The following SIPA1L1 variants were observed in gnomAD, a reference collection of about 807,000 sequenced individuals.
SIPA1L1 encodes the protein signal-induced proliferation-associated 1-like protein 1.
In SIPA1L1, 26 loss-of-function variants were observed where a neutral mutation model predicts 162.7. The ratio of observed to expected loss-of-function variants is 0.16; its 90% CI spans 0.12 to 0.22. The LOEUF (loss-of-function observed/expected upper bound fraction) is 0.22. Among genes scored for constraint, SIPA1L1 ranks in the 10% least tolerant of loss-of-function variants. The pLI is 1.00. For missense variants in SIPA1L1, 1,874 were observed against 2,241.0 expected (o/e 0.84, Z 3.31); for synonymous variants, 829 against 837.4 (o/e 0.99, Z 0.17).
At position 71,447,361 on chromosome 14, in the gene SIPA1L1, C is replaced by T. The variant is rs75886181; in HGVS notation, c.-464-65382C>T. 8.3e-3 allele frequency among the ~76,000 whole-genome samples: 1,262 copies of T among 152,206 alleles called. 45 individuals carry two copies. The highest frequency in any genetic ancestry group is 0.061 in the Admixed American group (936 of 15,278). On this transcript the variant is annotated intron_variant, in intron 2 of 23. Coordinates refer to ENST00000381232, the MANE Select transcript of SIPA1L1 (RefSeq NM_001386936.1). ...CTCAGCTGGATTTGCTGTGGGACCC[C>T]TAACAAGCCTATGGTGCTATGGTGT...
chr14:71,399,463 G>A (rs1167186406), intron 2 of SIPA1L1, among the ~76,000 whole-genome samples: 1 of 152,112 alleles, frequency 6.6e-6, no homozygotes, highest in East Asian at 1.9e-4. Flanking sequence ...GGAGTGCAGT[G>A]GTACTATCGT....
chr14:71,684,727 T>G (rs1448819260), intron 12 of SIPA1L1, among the ~76,000 whole-genome samples: 1 of 152,056 alleles, frequency 6.6e-6, no homozygotes, highest in Non-Finnish European at 1.5e-5. Context: ...TTATACACTC[T>G]TTTGGAGCCC....
At chr14:71,459,328 G>A (rs986848418) in intron 2 of SIPA1L1, among the ~76,000 whole-genome samples, 1 of 152,042 alleles carries the variant, frequency 6.6e-6, no homozygotes, top group Non-Finnish European at 1.5e-5. Context: ...GTAACACGAC[G>A]GTATAGTGGT....
chr14:71,683,299 C>A (rs997934266), intron 12 of SIPA1L1, among the ~76,000 whole-genome samples: 2 of 152,132 alleles, frequency 1.3e-5, no homozygotes, highest in African/African-American at 4.8e-5. Flanking sequence ...TAATAAAGTT[C>A]TGTACATGTG....
At chr14:71,334,935 T>G (rs978265822) in intron 2 of SIPA1L1, among the ~76,000 whole-genome samples, 1 of 152,244 alleles carries the variant, frequency 6.6e-6, no homozygotes, top group Non-Finnish European at 1.5e-5. Flanking sequence ...TTAGAGGTAG[T>G]AGTAAATAGT....
intron 2 of SIPA1L1, among the ~76,000 whole-genome samples, chr14:71,458,741 T>G (rs1320120669): frequency 6.6e-6 from 1 of 152,152 alleles, no homozygotes; most frequent in Non-Finnish European, 1.5e-5. Flanking sequence ...TCCCTTGACA[T>G]TGCAGTAACC....
Position 71,724,833 on chromosome 14 carries a change from A to C in SIPA1L1, c.4612A>C (p.Lys1538Gln), listed in dbSNP as rs1395355458. The change falls in exon 19 of 24, where the codon AAG becomes CAG. Residue 1538 changes from lysine to glutamine, a missense_variant and splice_region_variant. Transcript: ENST00000381232. ...AACTCCTGAATCACAGAAGAGTTTT[A>C]AGGTACAAGACAGAGCTCAGGGTAG... Reference protein sequence around the residue: ...SPTPESQKSFKFHALSSPQSP... With the variant: ...SPTPESQKSFQFHALSSPQSP... The C allele has an allele frequency of 6.2e-7, 1 of 1,613,982 alleles. No individual in the cohort carries two copies. Among genetic ancestry groups the C allele is most frequent in the East Asian group, 2.2e-5 (1 of 44,890 alleles).
chr14:71,608,322 TC>T (rs1393230003), intron 5 of SIPA1L1, among the ~76,000 whole-genome samples: 1 of 152,168 alleles, frequency 6.6e-6, no homozygotes, highest in African/African-American at 2.4e-5. Flanking sequence ...GTTAGAGACT[TC>T]CCCCTAAATC....
intron 3 of SIPA1L1, among the ~76,000 whole-genome samples, chr14:71,518,215 C>T (rs926052845): frequency 2.0e-5 from 3 of 150,962 alleles, no homozygotes; most frequent in South Asian, 4.2e-4. Flanking sequence ...GCTTCAGAGG[C>T]GGAGGTTGTA....
intron 4 of SIPA1L1, among the ~76,000 whole-genome samples, chr14:71,583,125 C>T (rs2034155434): frequency 6.6e-6 from 1 of 152,156 alleles, no homozygotes; most frequent in South Asian, 2.1e-4. Flanking sequence ...CATTCTAAGT[C>T]TGTGTTTACA....
chr14:71,477,133 A>G (rs2047934094), intron 2 of SIPA1L1, among the ~76,000 whole-genome samples: 1 of 151,952 alleles, frequency 6.6e-6, no homozygotes, highest in South Asian at 2.1e-4. Flanking sequence ...AATCTCAGCT[A>G]CTCAGTAATC....
intron 2 of SIPA1L1, among the ~76,000 whole-genome samples, chr14:71,488,725 A>G (rs1382195746): frequency 2.0e-5 from 3 of 152,160 alleles, no homozygotes; most frequent in Admixed American, 6.5e-5. Flanking sequence ...GTGAACTTGT[A>G]CTTTGTGAAG....
At chr14:71,348,598 C>CT (rs1331040728) in intron 2 of SIPA1L1, among the ~76,000 whole-genome samples, 8 of 152,152 alleles carry the variant, frequency 5.3e-5, no homozygotes, top group East Asian at 1.9e-4. Context: ...AGATGTATGT[C>CT]TAAGAGTGGA....
At chr14:71,381,351 C>T (rs1225417873) in intron 2 of SIPA1L1, among the ~76,000 whole-genome samples, 10 of 152,090 alleles carry the variant, frequency 6.6e-5, no homozygotes. Flanking sequence ...CATGCCTGGC[C>T]CCAATATGAC....
chr14:71,374,693 A>AG (rs2039213491), intron 2 of SIPA1L1, among the ~76,000 whole-genome samples: 1 of 102,184 alleles, frequency 9.8e-6, no homozygotes, highest in Non-Finnish European at 2.1e-5. Context: ...CCGTTTTGAA[A>AG]GTTTTTTTTT....
At chr14:71,483,095 A>G (rs756095634) in intron 2 of SIPA1L1, among the ~76,000 whole-genome samples, 1 of 152,216 alleles carries the variant, frequency 6.6e-6, no homozygotes, top group African/African-American at 2.4e-5. Context: ...CTTGCAGGCC[A>G]AAGACATTCA....
intron 2 of SIPA1L1, among the ~76,000 whole-genome samples, chr14:71,477,097 CA>C (rs2047931038): frequency 6.6e-6 from 1 of 151,954 alleles, no homozygotes. Context: ...TCTAAAAATA[CA>C]AAAATTATCC....
chr14:71,360,114 C>G (rs1170712375), intron 2 of SIPA1L1, among the ~76,000 whole-genome samples: 1 of 152,062 alleles, frequency 6.6e-6, no homozygotes, highest in East Asian at 1.9e-4. Context: ...TTCTACTAAT[C>G]TAAACTTTTT....
chr14:71,726,083 C>A (rs1280304043), intron 19 of SIPA1L1, among the ~76,000 whole-genome samples: 1 of 152,098 alleles, frequency 6.6e-6, no homozygotes, highest in African/African-American at 2.4e-5. Context: ...ACCCCCTAAA[C>A]CTAAAAAATC....
Sources: allele counts gnomAD v4.1 joint callset (sites outside exome capture counted in the v4.1 genomes callset), GRCh38; gene constraint gnomAD v4.1.1; transcripts MANE v1.5; gene names NCBI Gene and HGNC (gene_info 2026-07-23, HGNC 2026-07-21).